The following MGAM variants were observed in gnomAD, a reference collection of about 807,000 sequenced individuals.
MGAM encodes the protein alpha-1,4-glucosidase.
A neutral mutation model predicts 358.8 loss-of-function variants in MGAM; 253 were observed. The ratio of observed to expected loss-of-function variants is 0.71; its 90% CI spans 0.64 to 0.78. The LOEUF is 0.78. Among genes scored for constraint, MGAM ranks in the 30% least tolerant of loss-of-function variants. MGAM has a pLI of 0.00. For synonymous variants in MGAM, 1,105 were observed against 1,227.1 expected, an observed-to-expected ratio of 0.90 and a Z score of 2.08; for missense variants, 3,080 against 3,432.6, an observed-to-expected ratio of 0.90 and a Z score of 2.57.
At chr7:142,064,157 G>A (rs1458153057) in intron 36 of MGAM, among the ~76,000 whole-genome samples, 5 of 152,180 alleles carry the variant, frequency 3.3e-5, no homozygotes, top group Non-Finnish European at 5.9e-5. Flanking sequence ...ACAGCTGTAC[G>A]TTCTTCCTGA....
In MGAM at chr7:142,043,623, ATATAT is replaced by A. The variant is rs199594923; in HGVS notation, c.2498+2783_2498+2787del. 6.9e-5 allele frequency among the ~76,000 whole-genome samples: 8 copies of A among 116,678 alleles called. 1 individual carries two copies. Among genetic ancestry groups the A allele is most frequent in the Admixed American group, 2.7e-4 (3 of 11,072 alleles). 76.5% of individuals were successfully genotyped at this position (116,678 alleles called of 152,430 possible). ...ACATATAATATCTAATATATAATACATATATTATATATACATATACTATCTAATAT... is the reference window on the plus strand; with the variant it reads ...ACATATAATATCTAATATATAATACATATATATACATATACTATCTAATAT... On this transcript the variant is annotated intron_variant, in intron 21 of 70. Transcript: ENST00000475668.
In MGAM at chr7:142,008,712, G is replaced by A. The variant is rs1264755732; in HGVS notation, c.327+7G>A. On this transcript the variant is annotated splice_region_variant and intron_variant, in intron 3 of 70. Transcript: ENST00000475668. ...TGACCAGCCGCCAACAAAGGTTTGA[G>A]TTATGAATTTTGTTTCCATTTTAGA... 11 of 1,605,200 alleles carry A rather than the reference G, an allele frequency of 6.9e-6. No individual in the cohort carries two copies. Among genetic ancestry groups the A allele is most frequent in the Non-Finnish European group, 9.4e-6 (11 of 1,176,066 alleles).
At chr7:142,021,519 GTAGGGA>G (rs1806454626) in intron 5 of MGAM, 61 bp from the exon 6 acceptor site, 1 of 1,465,094 alleles carries the variant, frequency 6.8e-7, no homozygotes, top group Admixed American at 1.9e-5. Flanking sequence ...AGTATCCTAA[GTAGGGA>G]TATTGGGAAG....
Position 142,106,023 on chromosome 7 carries a change from A to G in MGAM, c.*132A>G, listed in dbSNP as rs1816834846. 2 of 751,044 alleles carry G rather than the reference A, an allele frequency of 2.7e-6. No homozygotes were observed. The highest frequency in any genetic ancestry group is 3.4e-5 in the South Asian group (2 of 58,118). The allele number at this position is 751,044 out of a possible 1,614,324, so 46.5% of individuals were successfully genotyped here. On this transcript the variant is annotated 3_prime_UTR_variant, in exon 71 of 71. Coordinates refer to ENST00000475668, the MANE Select transcript of MGAM (RefSeq NM_001365693.1). ...GTGAAATATTTCTGTTAATTTTGTT[A>G]TATGTTTTTTGTGTGAACCCTAAAG...
chr7:142,102,410 C>T (rs1816517256), intron 68 of MGAM, among the ~76,000 whole-genome samples: 1 of 152,200 alleles, frequency 6.6e-6, no homozygotes, highest in African/African-American at 2.4e-5. Flanking sequence ...TCATTTCAAG[C>T]ATTTTGTGTA....
intron 1 of MGAM, among the ~76,000 whole-genome samples, chr7:141,999,015 AACCCAGTGTATATTTATTTATTTT>A (rs1324584725): frequency 6.3e-4 from 96 of 152,290 alleles, no homozygotes; most frequent in African/African-American, 2.3e-3. Context: ...TACACAGTAT[AACCCAGTGTATATTTATTTATTTT>A]GTTTATTGTC....
At chr7:142,037,094 A>G (rs1808061805) in intron 18 of MGAM, 117 bp downstream of exon 18, 1 of 1,031,146 alleles carries the variant, frequency 9.7e-7, no homozygotes, top group African/African-American at 1.6e-5. Context: ...ATCTATCTGT[A>G]TCTATATCTG....
chr7:142,041,025 T>C (rs1563142662), intron 21 of MGAM, among the ~76,000 whole-genome samples, 179 bp downstream of exon 21: 1 of 152,100 alleles, frequency 6.6e-6, no homozygotes, highest in Non-Finnish European at 1.5e-5. Context: ...GCAAACCAGG[T>C]CAGTTGATCC....
rs1811325756 is a variant in MGAM at position 142,054,752 on chromosome 7, A to G, written c.3160-2A>G. The G allele has an allele frequency of 6.2e-7, 1 of 1,613,676 alleles. No homozygotes were observed. Among genetic ancestry groups the G allele is most frequent in the Admixed American group, 1.7e-5 (1 of 59,996 alleles). On this transcript the variant is annotated splice_acceptor_variant, in intron 26 of 70. Transcript: ENST00000475668. LOFTEE classifies it high-confidence loss of function. ...GCCTAAAATTGATTTCCTCTGGCCT[A>G]GATTTATGATCCCAACAAGAATCGG...
intron 57 of MGAM, among the ~76,000 whole-genome samples, chr7:142,091,419 T>C (rs141571733): frequency 6.8e-6 from 1 of 146,242 alleles, no homozygotes; most frequent in African/African-American, 2.4e-5. Flanking sequence ...ATTCTGAAAT[T>C]GTAGAAAACA....
chr7:142,076,784 A>G lies in MGAM; in HGVS notation c.5451A>G (p.Pro1817=). The change falls in exon 47 of 71, where the codon CCA becomes CCG. Residue 1817 remains proline (P), a synonymous_variant. Transcript: ENST00000475668. ...SNVTVKHNGV[P]SQTSPTVTYD... ...TTACGGTGAAACACAATGGTGTCCC[A>G]AGTCAGACTTCTCCTACAGTCACTT... The G allele has an allele frequency of 6.4e-7, 1 of 1,555,416 alleles. No homozygotes were observed. Among genetic ancestry groups the G allele is most frequent in the South Asian group, 1.1e-5 (1 of 89,186 alleles).
chr7:142,048,768 G>A (rs1810663025), intron 22 of MGAM, among the ~76,000 whole-genome samples: 1 of 152,070 alleles, frequency 6.6e-6, no homozygotes, highest in African/African-American at 2.4e-5. Context: ...GGAGACTCTT[G>A]TCCATCTAAT....
chr7:142,019,801 G>T (rs1806267418), intron 4 of MGAM, among the ~76,000 whole-genome samples: 1 of 152,178 alleles, frequency 6.6e-6, no homozygotes, highest in Non-Finnish European at 1.5e-5. Flanking sequence ...AGGCACAGTG[G>T]CTCATGCCTG....
intron 2 of MGAM, 90 bp downstream of exon 2, chr7:142,005,747 T>A: frequency 7.6e-7 from 1 of 1,311,414 alleles, no homozygotes; most frequent in Non-Finnish European, 1.0e-6. Context: ...TTCATGCTCA[T>A]GTGTGTATGT....
At chr7:142,050,144 C>T (rs779878319) in intron 22 of MGAM, 91 bp from the exon 23 acceptor site, 19 of 1,272,952 alleles carry the variant, frequency 1.5e-5, no homozygotes, top group Non-Finnish European at 2.2e-5. Flanking sequence ...TATGTGTGAC[C>T]TCAAGGCATA....
chr7:142,034,967 A>G (rs1426912795), intron 16 of MGAM, 126 bp downstream of exon 16: 1 of 893,826 alleles, frequency 1.1e-6, no homozygotes, highest in African/African-American at 1.7e-5. Context: ...TCTTGAGAGC[A>G]TGTGCTTCAT....
At chr7:142,039,103 CTTTT>C (rs35054393) in intron 19 of MGAM, among the ~76,000 whole-genome samples, 2 of 118,964 alleles carry the variant, frequency 1.7e-5, no homozygotes, top group East Asian at 2.4e-4. Context: ...TTGCCACACA[CTTTT>C]TTTTTTTTTT....
chr7:142,082,294 C>G lies in MGAM; in HGVS notation c.6171+84C>G. On this transcript the variant is annotated intron_variant, in intron 51 of 70. Transcript: ENST00000475668. ...CTTTGGGCTTCATCTTCCCAAACTCCACTTGGTCGTCACATTCTGCTTTTA... is the reference window on the plus strand; with the variant it reads ...CTTTGGGCTTCATCTTCCCAAACTCGACTTGGTCGTCACATTCTGCTTTTA... The G allele has an allele frequency of 2.1e-6, 3 of 1,452,324 alleles. 1 individual carries two copies. The East Asian group carries it at 7.1e-5, about 34-fold the overall frequency. 90.0% of individuals were successfully genotyped at this position (1,452,324 alleles called of 1,614,324 possible). A position where few individuals can be genotyped will look rare whatever the true frequency, so the allele number is the denominator to read the frequency against.
Position 142,038,616 on chromosome 7 carries a change from G to A in MGAM, c.2316+1G>A. The stretch of plus-strand genomic sequence containing the variant: ...CCTCATCACTCCAGTTCTGGATGAA[G>A]TAAGTGTTCCCACAGAGATACACTA... On this transcript the variant is annotated splice_donor_variant, in intron 19 of 70. Coordinates refer to ENST00000475668, the MANE Select transcript of MGAM (RefSeq NM_001365693.1). LOFTEE classifies it high-confidence loss of function. 7 of 1,604,762 alleles carry A rather than the reference G, an allele frequency of 4.4e-6. No homozygotes were observed. Among genetic ancestry groups the A allele is most frequent in the Non-Finnish European group, 6.0e-6 (7 of 1,175,032 alleles).
Sources: gnomAD v4.1 joint callset for allele counts (sites outside exome capture counted in the v4.1 genomes callset) on GRCh38, gnomAD v4.1.1 for gene constraint, MANE v1.5 for transcripts, NCBI Gene and HGNC (gene_info 2026-07-23, HGNC 2026-07-21) for gene names.